Variants in SPOCK1 observed in about 807,000 individuals in gnomAD.
SPOCK1 encodes SPARC (osteonectin), cwcv and kazal like domains proteoglycan 1.
A neutral mutation model predicts 55.3 loss-of-function variants in SPOCK1; 23 were observed. The ratio of observed to expected loss-of-function variants is 0.42; its 90% CI spans 0.30 to 0.59. The LOEUF is 0.59. Ranked by LOEUF, SPOCK1 falls within the 20% of genes least tolerant of loss-of-function variation. The pLI is 0.22. For synonymous variants in SPOCK1, 226 were observed against 221.0 expected (o/e 1.02, Z -0.20); for missense variants, 499 against 552.5 (o/e 0.90, Z 0.97).
chr5:137,398,668 A>G (rs892608114), intron 2 of SPOCK1, among the ~76,000 whole-genome samples: 1 of 152,182 alleles, frequency 6.6e-6, no homozygotes, highest in Non-Finnish European at 1.5e-5. Flanking sequence ...AATCTAATTG[A>G]TTCTCTAATT....
At chr5:137,122,931 T>C (rs1044916950) in intron 4 of SPOCK1, among the ~76,000 whole-genome samples, 2 of 152,202 alleles carry the variant, frequency 1.3e-5, no homozygotes, top group Non-Finnish European at 2.9e-5. Flanking sequence ...CCCCCTGTTC[T>C]GGGAGGGCTG....
At chr5:137,436,386 A>G (rs1039702975) in intron 2 of SPOCK1, among the ~76,000 whole-genome samples, 18 of 152,222 alleles carry the variant, frequency 1.2e-4, no homozygotes, top group African/African-American at 3.9e-4. Context: ...ATATTAAATA[A>G]TTCATCCTTT....
intron 2 of SPOCK1, among the ~76,000 whole-genome samples, chr5:137,406,985 CA>C (rs550796980): frequency 1.3e-4 from 20 of 152,212 alleles, no homozygotes; most frequent in Non-Finnish European, 2.4e-4. Flanking sequence ...TGCCTAAGGC[CA>C]AAAAGTAAGT....
At chr5:137,413,827 A>G (rs934210345) in intron 2 of SPOCK1, among the ~76,000 whole-genome samples, 20 of 152,154 alleles carry the variant, frequency 1.3e-4, no homozygotes, top group African/African-American at 4.1e-4. Flanking sequence ...ATGAGCCCCT[A>G]CCTGTTCCCA....
chr5:137,068,673 G>C (rs1394747957), intron 5 of SPOCK1, among the ~76,000 whole-genome samples: 1 of 152,202 alleles, frequency 6.6e-6, no homozygotes, highest in Non-Finnish European at 1.5e-5. Context: ...AGGAAATTAA[G>C]ACTCAGGTTA....
intron 2 of SPOCK1, among the ~76,000 whole-genome samples, chr5:137,320,643 A>G (rs534768265): frequency 6.6e-6 from 1 of 152,234 alleles, no homozygotes; most frequent in African/African-American, 2.4e-5. Flanking sequence ...AAGAGGCTAC[A>G]AGCGCCTGAA....
chr5:137,096,302 G>T lies in SPOCK1; in HGVS notation c.474+16133C>A, dbSNP rs1044945322. On this transcript the variant is annotated intron_variant, in intron 5 of 10. Coordinates refer to ENST00000394945, the MANE Select transcript of SPOCK1 (RefSeq NM_004598.4). The stretch of plus-strand genomic sequence containing the variant: ...CAGTGACCCTTCCCAAGACAAAAAA[G>T]AAAAAAAAAAAAGAACCCAAATGGG... 6.9e-5 allele frequency among the ~76,000 whole-genome samples: 10 copies of T among 143,950 alleles called. 1 individual carries two copies. In the Middle Eastern group the frequency reaches 0.022, roughly 313 times the overall value. The allele number at this position is 143,950 out of a possible 152,430, so 94.4% of individuals were successfully genotyped here.
rs550647357 is a variant in SPOCK1 at position 137,288,370 on chromosome 5, T to C, written c.187-21315A>G. On this transcript the variant is annotated intron_variant, in intron 2 of 10. Coordinates refer to ENST00000394945, the MANE Select transcript of SPOCK1 (RefSeq NM_004598.4). The stretch of plus-strand genomic sequence containing the variant: ...CCAATCCTAACTCTGTCCCAGGTCT[T>C]GACAATAAGCTGCCCACAACATAGA... Among the ~76,000 whole-genome samples the C allele has an allele frequency of 2.6e-5, 4 of 152,340 alleles. No individual in the cohort carries two copies. The East Asian group carries it at 7.7e-4, about 29-fold the overall frequency.
At chr5:137,474,694 C>T (rs900319799) in intron 2 of SPOCK1, among the ~76,000 whole-genome samples, 2 of 152,160 alleles carry the variant, frequency 1.3e-5, no homozygotes, top group African/African-American at 2.4e-5. Flanking sequence ...CTTGAAAGGG[C>T]TCCCATCGTC....
At chr5:137,307,618 G>T (rs1341667068) in intron 2 of SPOCK1, among the ~76,000 whole-genome samples, 1 of 152,196 alleles carries the variant, frequency 6.6e-6, no homozygotes, top group Non-Finnish European at 1.5e-5. Flanking sequence ...CAATTTCCCA[G>T]ATAAAAACCT....
chr5:137,373,072 G>A (rs1561518327), intron 2 of SPOCK1, among the ~76,000 whole-genome samples: 1 of 152,144 alleles, frequency 6.6e-6, no homozygotes, highest in African/African-American at 2.4e-5. Flanking sequence ...ATGTGATGAT[G>A]CAGCAGGAAG....
At chr5:137,352,190 A>C (rs2127161407) in intron 2 of SPOCK1, among the ~76,000 whole-genome samples, 1 of 152,374 alleles carries the variant, frequency 6.6e-6, no homozygotes, top group East Asian at 1.9e-4. Flanking sequence ...AAGAGCTGAT[A>C]TACTGCAGGC....
At chr5:137,367,637 T>C (rs1055885057) in intron 2 of SPOCK1, among the ~76,000 whole-genome samples, 1 of 152,198 alleles carries the variant, frequency 6.6e-6, no homozygotes, top group Non-Finnish European at 1.5e-5. Context: ...GAGCCCCTTC[T>C]AGCTCCCTGT....
chr5:137,008,863 AG>A (rs1751299786), intron 6 of SPOCK1, among the ~76,000 whole-genome samples: 1 of 152,160 alleles, frequency 6.6e-6, no homozygotes, highest in African/African-American at 2.4e-5. Flanking sequence ...GGAGAAATGA[AG>A]GGGAGGCTAA....
chr5:137,148,420 T>G (rs1381786514), intron 3 of SPOCK1, among the ~76,000 whole-genome samples: 4 of 152,128 alleles, frequency 2.6e-5, no homozygotes. Context: ...CCACAAAATT[T>G]TATTAGCCTG....
intron 2 of SPOCK1, among the ~76,000 whole-genome samples, chr5:137,268,682 A>C (rs1756903916): frequency 6.6e-6 from 1 of 152,076 alleles, no homozygotes; most frequent in Non-Finnish European, 1.5e-5. Context: ...TCTCAAGGGC[A>C]GAAGAGATAA....
At chr5:137,038,269 C>G (rs1751924398) in intron 6 of SPOCK1, among the ~76,000 whole-genome samples, 1 of 152,182 alleles carries the variant, frequency 6.6e-6, no homozygotes, top group South Asian at 2.1e-4. Flanking sequence ...GAAACCAGAC[C>G]TCTGAGCACT....
At chr5:137,086,231 C>T (rs1752957669) in intron 5 of SPOCK1, among the ~76,000 whole-genome samples, 1 of 152,116 alleles carries the variant, frequency 6.6e-6, no homozygotes, top group Non-Finnish European at 1.5e-5. Context: ...TCACACTGCT[C>T]AGTTACCAAA....
intron 3 of SPOCK1, among the ~76,000 whole-genome samples, chr5:137,261,873 G>A (rs1756748181): frequency 1.3e-5 from 2 of 152,130 alleles, no homozygotes; most frequent in Non-Finnish European, 1.5e-5. Flanking sequence ...AAATTGGGGA[G>A]GTTCTTTCCT....
Sources: gnomAD v4.1 joint callset for allele counts (sites outside exome capture counted in the v4.1 genomes callset) on GRCh38, gnomAD v4.1.1 for gene constraint, MANE v1.5 for transcripts, NCBI Gene and HGNC (gene_info 2026-07-23, HGNC 2026-07-21) for gene names.